IL23R: variants seen among roughly 807,000 people sequenced by gnomAD.
IL23R encodes the protein interleukin 23 receptor, also known as interleukin-23 receptor.
In IL23R, 34 loss-of-function variants were observed where a neutral mutation model predicts 56.9. The observed-to-expected ratio is 0.60, with a 90% CI of 0.45 to 0.80. The LOEUF (loss-of-function observed/expected upper bound fraction) is 0.80, where lower values mean the gene tolerates loss of function less well. Ranked by LOEUF, IL23R falls within the 30% of genes least tolerant of loss-of-function variation. IL23R has a pLI of 0.00. For synonymous variants in IL23R, 230 were observed against 249.2 expected (o/e 0.92, Z 0.73); for missense variants, 635 against 730.0 (o/e 0.87, Z 1.50).
chr1:67,258,497 A>G lies in IL23R; in HGVS notation c.1259A>G (p.Asn420Ser), dbSNP rs1409219262. ...TCCTAGGAAAATAGTGAACTTATGA[A>G]TAATAATTCCAGTGAGCAGGTCCTA... Reference protein sequence around the residue: ...KMLQENSELMNNNSSEQVLYV... With the variant: ...KMLQENSELMSNNSSEQVLYV... The change falls in exon 11 of 11, where the codon AAT becomes AGT. Residue 420 changes from asparagine (N) to serine (S), a missense_variant. Asn to Ser is a conservative substitution (Grantham distance 46). Transcript: ENST00000347310. The G allele has an allele frequency of 1.1e-5, 18 of 1,597,870 alleles. No homozygotes were observed. The highest frequency in any genetic ancestry group is 1.4e-5 in the Non-Finnish European group (17 of 1,173,174).
chr1:67,237,111 C>T (rs1415658781), intron 8 of IL23R, among the ~76,000 whole-genome samples: 4 of 152,140 alleles, frequency 2.6e-5, no homozygotes, highest in Non-Finnish European at 4.4e-5. Context: ...GGTGCAATCT[C>T]GGCTCACTGC....
chr1:67,212,047 T>C (rs2102647652), intron 6 of IL23R, among the ~76,000 whole-genome samples: 1 of 152,196 alleles, frequency 6.6e-6, no homozygotes, highest in East Asian at 1.9e-4. Context: ...TCTACATCAC[T>C]TTAAAGACCA....
chr1:67,265,630 T>C, the IL23R span, among the ~76,000 whole-genome samples: 309 of 152,360 alleles, frequency 2.0e-3, 4 homozygotes, highest in East Asian at 0.051. Flanking sequence ...ATTCCTTTAA[T>C]AATTCCTCTT....
At chr1:67,199,603 CTG>C (rs549174906) in intron 4 of IL23R, among the ~76,000 whole-genome samples, 12 of 152,048 alleles carry the variant, frequency 7.9e-5, no homozygotes, top group Non-Finnish European at 1.6e-4. Context: ...AGAAAAATAA[CTG>C]TTATGTTCAT....
At chr1:67,212,867 CT>C (rs1011684708) in intron 6 of IL23R, among the ~76,000 whole-genome samples, 12 of 151,772 alleles carry the variant, frequency 7.9e-5, no homozygotes, top group African/African-American at 2.9e-4. Flanking sequence ...GTCATGCAAT[CT>C]TTCTTTTTCT....
rs896103902 is a variant in IL23R at position 67,255,302 on chromosome 1, A to G, written c.1149-535A>G. Among the ~76,000 whole-genome samples the G allele has an allele frequency of 3.9e-5, 6 of 152,276 alleles. No homozygotes were observed. In the East Asian group the frequency reaches 1.2e-3, roughly 29 times the overall value. On this transcript the variant is annotated intron_variant, in intron 9 of 10. Transcript: ENST00000347310. ...TTGAATCTAGTGTGAGTGTTTTGAA[A>G]TGTTTCTGCTCATTGAAAAGAAGCA...
At chr1:67,204,976 C>T (rs115458915) in intron 5 of IL23R, among the ~76,000 whole-genome samples, 8,443 of 152,036 alleles carry the variant, frequency 0.056, 809 homozygotes, top group African/African-American at 0.19. Flanking sequence ...ACAGGTGTTT[C>T]GCTATGTTGG....
intron 4 of IL23R, among the ~76,000 whole-genome samples, chr1:67,185,912 A>G (rs774344990): frequency 1.3e-5 from 2 of 152,220 alleles, no homozygotes; most frequent in African/African-American, 4.8e-5. Context: ...GACATCTTCA[A>G]TTCTCAACTT....
At chr1:67,219,331 G>A (rs1196585407) in intron 6 of IL23R, among the ~76,000 whole-genome samples, 1 of 151,996 alleles carries the variant, frequency 6.6e-6, no homozygotes, top group African/African-American at 2.4e-5. Flanking sequence ...TCGAGCCACC[G>A]CACTCCAGCC....
chr1:67,259,906 C>T lies in IL23R; in HGVS notation c.*778C>T, dbSNP rs937048907. The T allele has an allele frequency of 7.5e-6, 1 of 133,120 alleles. No homozygotes were observed. The highest frequency in any genetic ancestry group is 2.4e-4 in the South Asian group (1 of 4,084). 8.2% of individuals were successfully genotyped at this position (133,120 alleles called of 1,614,324 possible). The stretch of plus-strand genomic sequence containing the variant: ...TTGAACCAGGAAGGCAGAGGTTGCA[C>T]TGAGCTGAGATTGTGCCACTGCACT... On this transcript the variant is annotated 3_prime_UTR_variant, in exon 11 of 11. Coordinates refer to ENST00000347310, the MANE Select transcript of IL23R (RefSeq NM_144701.3).
intron 4 of IL23R, among the ~76,000 whole-genome samples, chr1:67,199,165 A>G (rs1648412877): frequency 6.6e-6 from 1 of 152,196 alleles, no homozygotes; most frequent in Non-Finnish European, 1.5e-5. Flanking sequence ...CTGATCCATC[A>G]GTAGCTCATG....
At chr1:67,153,436 C>G (rs1171028923) in intron 1 of IL23R, among the ~76,000 whole-genome samples, 2 of 151,968 alleles carry the variant, frequency 1.3e-5, no homozygotes, top group Non-Finnish European at 2.9e-5. Flanking sequence ...TTTTTTGTGT[C>G]TCTATCTCCT....
At chr1:67,191,027 CT>C in intron 4 of IL23R, among the ~76,000 whole-genome samples, 1 of 152,286 alleles carries the variant, frequency 6.6e-6, no homozygotes, top group Non-Finnish European at 1.5e-5. Context: ...CATTTCCTCA[CT>C]GATTATGAGC....
At chr1:67,221,880 A>C (rs989758609) in intron 7 of IL23R, among the ~76,000 whole-genome samples, 1 of 152,100 alleles carries the variant, frequency 6.6e-6, no homozygotes, top group African/African-American at 2.4e-5. Flanking sequence ...AAATCTTAGA[A>C]ATACTTTGGC....
chr1:67,215,632 C>G (rs1293897658), intron 6 of IL23R, among the ~76,000 whole-genome samples: 4 of 152,196 alleles, frequency 2.6e-5, no homozygotes. Context: ...GGGAAATTAC[C>G]TGGGCATTAT....
intron 4 of IL23R, among the ~76,000 whole-genome samples, chr1:67,194,057 A>ATGGAT (rs1394099782): frequency 6.6e-6 from 1 of 152,254 alleles, no homozygotes; most frequent in Non-Finnish European, 1.5e-5. Context: ...TAAAGAATAT[A>ATGGAT]ACAAAGGCTA....
chr1:67,195,531 T>G (rs1013167570), intron 4 of IL23R, among the ~76,000 whole-genome samples: 1 of 152,318 alleles, frequency 6.6e-6, no homozygotes, highest in East Asian at 1.9e-4. Context: ...GGGGCAGAGC[T>G]GGGATTTGAA....
intron 3 of IL23R, among the ~76,000 whole-genome samples, chr1:67,172,978 T>C (rs1646961790): frequency 6.6e-6 from 1 of 152,160 alleles, no homozygotes; most frequent in African/African-American, 2.4e-5. Flanking sequence ...TCACGGACTG[T>C]TTTCAAGAAG....
rs1041015564 is a variant in IL23R, at chr1:67,255,123, T to C, written c.1149-714T>C. Among the ~76,000 whole-genome samples the C allele has an allele frequency of 4.6e-5, 7 of 152,216 alleles. No homozygotes were observed. The South Asian group carries it at 1.4e-3, about 32-fold the overall frequency. ...GGGCTTTATTATATAACATTCTCTT[T>C]TTAAATATGCGGTAGTTACGGTCAC... On this transcript the variant is annotated intron_variant, in intron 9 of 10. Coordinates refer to ENST00000347310, the MANE Select transcript of IL23R (RefSeq NM_144701.3).
Sources: allele counts gnomAD v4.1 joint callset (sites outside exome capture counted in the v4.1 genomes callset), GRCh38; gene constraint gnomAD v4.1.1; transcripts MANE v1.5; gene names NCBI Gene and HGNC (gene_info 2026-07-23, HGNC 2026-07-21).